ANO3: variants seen among roughly 807,000 people sequenced by gnomAD.
The protein encoded by ANO3 is anoctamin-3.
Under a neutral mutation model 144.8 loss-of-function variants are expected in ANO3, and 99 were observed. That is an observed-to-expected ratio of 0.68 (90% confidence interval 0.58 to 0.81). The LOEUF is 0.81. ANO3 is among the 30% of genes least tolerant of loss of function. The pLI is 0.00. For synonymous variants in ANO3, 414 were observed against 392.6 expected, an observed-to-expected ratio of 1.05 and a Z score of -0.64; for missense variants, 905 against 1,202.2, an observed-to-expected ratio of 0.75 and a Z score of 3.66.
intron 1 of ANO3, among the ~76,000 whole-genome samples, chr11:26,404,933 A>ATGTGTGTGTG (rs56103536): frequency 3.1e-4 from 45 of 146,272 alleles, no homozygotes; most frequent in South Asian, 4.3e-4. Context: ...ATTTATATAT[A>ATGTGTGTGTG]TGTGTGTGTG....
At chr11:26,599,816 A>G (rs1851741108) in intron 17 of ANO3, 102 bp downstream of exon 17, 2 of 1,020,662 alleles carry the variant, frequency 2.0e-6, no homozygotes, top group Admixed American at 2.9e-5. Flanking sequence ...TGGAGCCAAA[A>G]TAAGACCAAG....
intron 14 of ANO3, among the ~76,000 whole-genome samples, chr11:26,564,769 A>AGTT (rs1471936928): frequency 0.035 from 3,710 of 106,092 alleles, 254 homozygotes; most frequent in Non-Finnish European, 0.056. Context: ...ATATATATAT[A>AGTT]TATATATATA....
intron 4 of ANO3, among the ~76,000 whole-genome samples, chr11:26,493,127 A>T (rs1382092507): frequency 6.6e-6 from 1 of 152,216 alleles, no homozygotes; most frequent in African/African-American, 2.4e-5. Context: ...AACTTGATTA[A>T]GTGTCTGGGA....
At chr11:26,615,406 A>G (rs959069929) in intron 17 of ANO3, among the ~76,000 whole-genome samples, 1 of 98,884 alleles carries the variant, frequency 1.0e-5, no homozygotes, top group East Asian at 3.4e-4. Context: ...ATATATATAT[A>G]TATATATATT....
intron 3 of ANO3, among the ~76,000 whole-genome samples, chr11:26,459,591 TAC>T (rs375014872): frequency 6.6e-6 from 1 of 150,974 alleles, no homozygotes; most frequent in Non-Finnish European, 1.5e-5. Flanking sequence ...GGAAAAAATG[TAC>T]ACACACACAC....
chr11:26,223,129 A>C (rs1388012485), intron 1 of ANO3, among the ~76,000 whole-genome samples: 1 of 151,406 alleles, frequency 6.6e-6, no homozygotes, highest in East Asian at 1.9e-4. Flanking sequence ...TTTCAATTTT[A>C]AGTTGTTTTC....
intron 1 of ANO3, among the ~76,000 whole-genome samples, chr11:26,333,284 CTT>C (rs34291798): frequency 1.8e-3 from 243 of 134,394 alleles, no homozygotes; most frequent in Middle Eastern, 3.8e-3. Flanking sequence ...AGCTCTTTGA[CTT>C]TTTTTTTTTT....
At position 26,517,201 on chromosome 11, in the gene ANO3, G is replaced by A. The variant is rs117645192; in HGVS notation, c.692+274G>A. Among the ~76,000 whole-genome samples the A allele has an allele frequency of 0.11, 16,715 of 151,998 alleles. 1,288 individuals are homozygous for A. Among genetic ancestry groups the A allele is most frequent in the Admixed American group, 0.15 (2,349 of 15,248 alleles). ...AATTTTAACTTACAACAATTCCCAA[G>A]ATCAGTCTCACTCCTTATTTCATAT... On this transcript the variant is annotated intron_variant, in intron 6 of 26. Transcript: ENST00000256737.
Position 26,489,059 on chromosome 11 carries a change from C to T in ANO3, c.433-19045C>T, listed in dbSNP as rs141900340. ...GACACAAAAGTTCTCCAAGTGCCCA[C>T]CCGACCCAGAAGCCCAGCTGGCTTC... is the stretch of plus-strand genomic sequence containing the variant. On this transcript the variant is annotated intron_variant, in intron 4 of 26. Coordinates refer to ENST00000256737, the MANE Select transcript of ANO3 (RefSeq NM_031418.4). 7.3e-3 allele frequency among the ~76,000 whole-genome samples: 1,106 copies of T among 152,304 alleles called. 12 individuals are homozygous for T. The highest frequency in any genetic ancestry group is 0.024 in the African/African-American group (1,010 of 41,562).
At chr11:26,620,476 A>G (rs980326820) in intron 17 of ANO3, among the ~76,000 whole-genome samples, 2 of 151,382 alleles carry the variant, frequency 1.3e-5, no homozygotes, top group East Asian at 3.8e-4. Context: ...ATATTAAATT[A>G]AATTTATTAA....
At chr11:26,241,065 T>C (rs562232235) in intron 1 of ANO3, among the ~76,000 whole-genome samples, 1 of 152,222 alleles carries the variant, frequency 6.6e-6, no homozygotes, top group South Asian at 2.1e-4. Context: ...GCTGTTCTCG[T>C]GATAGTGAAT....
intron 17 of ANO3, among the ~76,000 whole-genome samples, chr11:26,622,788 T>C (rs1852457969): frequency 6.6e-6 from 1 of 152,296 alleles, no homozygotes; most frequent in African/African-American, 2.4e-5. Flanking sequence ...TCATTATACC[T>C]ACTTAACAAA....
chr11:26,249,304 A>T (rs1852872210), intron 1 of ANO3, among the ~76,000 whole-genome samples: 1 of 152,350 alleles, frequency 6.6e-6, no homozygotes, highest in South Asian at 2.1e-4. Context: ...GGTTACTTAA[A>T]AAAAGAATGT....
At chr11:26,586,299 C>T (rs1238802829) in intron 14 of ANO3, among the ~76,000 whole-genome samples, 1 of 150,814 alleles carries the variant, frequency 6.6e-6, no homozygotes, top group South Asian at 2.1e-4. Flanking sequence ...GTTCTTCCAA[C>T]TGCTCAGTTC....
chr11:26,451,249 A>G (rs1858921438), intron 3 of ANO3, among the ~76,000 whole-genome samples: 1 of 152,130 alleles, frequency 6.6e-6, no homozygotes, highest in Admixed American at 6.5e-5. Context: ...CAGTGGGTGC[A>G]GTGCACCCTG....
chr11:26,600,465 C>A (rs1348463558), intron 17 of ANO3, among the ~76,000 whole-genome samples: 1 of 50,512 alleles, frequency 2.0e-5, no homozygotes, highest in African/African-American at 9.4e-5. Context: ...TTCTCCTTTC[C>A]TCCTCCCCTC....
chr11:26,229,693 C>T (rs1387864939), intron 1 of ANO3, among the ~76,000 whole-genome samples: 2 of 151,828 alleles, frequency 1.3e-5, no homozygotes, highest in African/African-American at 4.8e-5. Flanking sequence ...TTTCCTGGGT[C>T]GACAGCACAT....
At chr11:26,315,674 T>TATCG (rs1220434172) in intron 1 of ANO3, among the ~76,000 whole-genome samples, 1 of 143,982 alleles carries the variant, frequency 6.9e-6, no homozygotes, top group Non-Finnish European at 1.5e-5. Context: ...TCTATCTATC[T>TATCG]ATCTATCTAT....
intron 1 of ANO3, among the ~76,000 whole-genome samples, chr11:26,211,850 G>T (rs1350603920): frequency 6.6e-6 from 1 of 152,112 alleles, no homozygotes; most frequent in Non-Finnish European, 1.5e-5. Context: ...AGAAAATGTG[G>T]CACATATACA....
Sources: allele counts gnomAD v4.1 joint callset (sites outside exome capture counted in the v4.1 genomes callset), GRCh38; gene constraint gnomAD v4.1.1; transcripts MANE v1.5; gene names NCBI Gene and HGNC (gene_info 2026-07-23, HGNC 2026-07-21).